The following MYO7A variants were observed in gnomAD, a reference collection of about 807,000 sequenced individuals.
MYO7A encodes the protein myosin VIIA.
Under a neutral mutation model 263.8 loss-of-function variants are expected in MYO7A, and 210 were observed. That is an observed-to-expected ratio of 0.80 (90% CI 0.71 to 0.89). The LOEUF (loss-of-function observed/expected upper bound fraction) is 0.89, where lower values mean the gene tolerates loss of function less well. Among genes scored for constraint, MYO7A ranks in the 40% least tolerant of loss-of-function variants. The pLI, the probability that MYO7A is intolerant of heterozygous loss-of-function variation, is 0.00. For missense variants in MYO7A, 2,820 were observed against 2,968.3 expected, an observed-to-expected ratio of 0.95 and a Z score of 1.16; for synonymous variants, 1,239 against 1,197.3, an observed-to-expected ratio of 1.03 and a Z score of -0.72.
chr11:77,179,490 G>C (rs1555082372), intron 20 of MYO7A, among the ~76,000 whole-genome samples: 1 of 152,250 alleles, frequency 6.6e-6, no homozygotes, highest in African/African-American at 2.4e-5. Flanking sequence ...GTTGGTTGCA[G>C]CTCCTGATCT....
intron 27 of MYO7A, among the ~76,000 whole-genome samples, chr11:77,187,107 C>T (rs967601778): frequency 1.3e-5 from 2 of 152,148 alleles, no homozygotes; most frequent in Non-Finnish European, 2.9e-5. Flanking sequence ...TTGCCATATT[C>T]TATGGGCACG....
intron 14 of MYO7A, 52 bp downstream of exon 14, chr11:77,163,040 C>T: frequency 1.3e-6 from 2 of 1,597,464 alleles, no homozygotes; most frequent in Non-Finnish European, 1.7e-6. Flanking sequence ...CCCTGCCTTC[C>T]CCTGCTCCAG....
chr11:77,162,783 A>G, intron 13 of MYO7A, 70 bp from the exon 14 acceptor site: 1 of 1,567,380 alleles, frequency 6.4e-7, no homozygotes, highest in Non-Finnish European at 8.7e-7. Context: ...GGGGGCAAAG[A>G]CATGGGCAGG....
chr11:77,208,473 G>A lies in MYO7A; in HGVS notation c.5900G>A (p.Arg1967Gln), dbSNP rs752881271. The A allele has an allele frequency of 1.4e-5, 23 of 1,613,616 alleles. No individual in the cohort carries two copies. The highest frequency in any genetic ancestry group is 1.6e-4 in the Middle Eastern group (1 of 6,084). The change falls in exon 43 of 49, where the codon CGA becomes CAA. Residue 1967 changes from arginine to glutamine, a missense_variant. Arg to Gln is a conservative substitution (Grantham distance 43). Coordinates refer to ENST00000409709, the MANE Select transcript of MYO7A (RefSeq NM_000260.4). ...PENDFFFDFV[R>Q]HLTDWIKKAR... ...AATGACTTCTTCTTTGACTTTGTTCGACACTTGACAGACTGGATAAAGAAA... is the reference window on the plus strand; with the variant it reads ...AATGACTTCTTCTTTGACTTTGTTCAACACTTGACAGACTGGATAAAGAAA...
Position 77,211,198 on chromosome 11 carries a change from A to T in MYO7A, c.6098A>T (p.Glu2033Val). ...GGCTACCACAAGTGCACGCGGGAGG[A>T]GGTGCTGCAGCTGGGGGCGCTGATC... ...LRGYHKCTRE[E>V]VLQLGALIYR... The change falls in exon 45 of 49, where the codon GAG (glutamate) becomes GTG (valine). Residue 2033 changes from glutamate (E) to valine (V), a missense_variant. By Grantham distance (121) the Glu-to-Val change is moderately radical (BLOSUM62 -2). Coordinates refer to ENST00000409709, the MANE Select transcript of MYO7A (RefSeq NM_000260.4). The T allele has an allele frequency of 6.3e-7, 1 of 1,593,064 alleles. No individual in the cohort carries two copies.
chr11:77,169,375 C>A (rs1258041257), intron 15 of MYO7A, among the ~76,000 whole-genome samples: 1 of 152,250 alleles, frequency 6.6e-6, no homozygotes, highest in African/African-American at 2.4e-5. Context: ...TGATTAATGC[C>A]TAAGCCCAGT....
At chr11:77,163,712 GT>G (rs539789531) in intron 14 of MYO7A, among the ~76,000 whole-genome samples, 239 of 146,934 alleles carry the variant, frequency 1.6e-3, no homozygotes, top group African/African-American at 6.1e-3. Flanking sequence ...TTCATTCAGC[GT>G]AATGTCTTTA....
chr11:77,201,987 C>G (rs1036245825), intron 36 of MYO7A, among the ~76,000 whole-genome samples: 1 of 152,184 alleles, frequency 6.6e-6, no homozygotes, highest in African/African-American at 2.4e-5. Flanking sequence ...CACAGCCCAG[C>G]TTCCCTAGTG....
chr11:77,156,963 A>G lies in MYO7A; in HGVS notation c.694A>G (p.Ile232Val). 6.2e-7 allele frequency: 1 copy of G among 1,613,940 alleles called. No individual in the cohort carries two copies. The highest frequency in any genetic ancestry group is 1.1e-5 in the South Asian group (1 of 91,084). Residue 232 changes from isoleucine to valine, a missense_variant, in exon 7 of 49, where the codon ATT becomes GTT. Physicochemically the swap from Ile to Val is conservative, Grantham distance 29. Coordinates refer to ENST00000409709, the MANE Select transcript of MYO7A (RefSeq NM_000260.4). ...GCGGGGCGCCATCGAGGGCGCGAAG[A>G]TTGAGCAGTACCTGCTGGAAAAGTC... is the stretch of plus-strand genomic sequence containing the variant. ...NKRGAIEGAK[I>V]EQYLLEKSRV... is the part of the protein sequence containing the mutation.
At chr11:77,200,792 T>C (rs1272059374) in intron 35 of MYO7A, among the ~76,000 whole-genome samples, 4 of 152,232 alleles carry the variant, frequency 2.6e-5, no homozygotes, top group African/African-American at 9.6e-5. Context: ...CCAAGTTAGA[T>C]CAGGGTCCTC....
intron 15 of MYO7A, among the ~76,000 whole-genome samples, chr11:77,171,986 C>CG (rs1225775050): frequency 5.8e-4 from 88 of 152,288 alleles, no homozygotes; most frequent in Non-Finnish European, 1.1e-3. Flanking sequence ...AGCCACAGTG[C>CG]GGGGGGTTAG....
At chr11:77,211,004 G>T (rs1957823812) in intron 44 of MYO7A, 148 bp from the exon 45 acceptor site, 2 of 700,560 alleles carry the variant, frequency 2.9e-6, no homozygotes, top group Admixed American at 5.7e-5. Context: ...TCCCCTGGGG[G>T]AGCAGTGTCA....
chr11:77,192,702 T>G (rs1043678096), intron 31 of MYO7A, among the ~76,000 whole-genome samples: 13 of 152,182 alleles, frequency 8.5e-5, no homozygotes, highest in Non-Finnish European at 1.6e-4. Context: ...GGTTGTTTTG[T>G]TTTCGATAAT....
At position 77,142,765 on chromosome 11, in the gene MYO7A, G is replaced by C. The variant is rs782517795; in HGVS notation, c.75G>C (p.Gly25=). ...GGCAGGAGTTCGACGTGCCCATCGG[G>C]GCGGTGGTGAAGCTCTGCGACTCTG... ...RLGQEFDVPI[G]AVVKLCDSGQ... Residue 25 remains glycine, a synonymous_variant, in exon 3 of 49, where the codon GGG becomes GGC. Transcript: ENST00000409709. The C allele has an allele frequency of 2.3e-5, 37 of 1,612,372 alleles. No homozygotes were observed. The South Asian group carries it at 4.0e-4, about 17-fold the overall frequency.
At chr11:77,183,006 T>G (rs1396705526) in intron 25 of MYO7A, 62 bp from the exon 26 acceptor site, 10 of 1,387,340 alleles carry the variant, frequency 7.2e-6, no homozygotes, top group Non-Finnish European at 1.0e-5. Flanking sequence ...AGTCTTGCTG[T>G]CGGGGGTCTC....
chr11:77,191,059 C>T lies in MYO7A; in HGVS notation c.3924+189C>T. On this transcript the variant is annotated intron_variant, in intron 30 of 48. Transcript: ENST00000409709. The stretch of plus-strand genomic sequence containing the variant: ...GAACTCGGCCAGGTGCGGTGGTTCA[C>T]ACCTGTAATCCCAGCACTTTGGGAG... The T allele has an allele frequency of 1.0e-5, 6 of 593,140 alleles. No homozygotes were observed. The South Asian group carries it at 1.5e-4, about 14-fold the overall frequency. 36.7% of individuals were successfully genotyped at this position (593,140 alleles called of 1,614,324 possible).
chr11:77,148,871 G>A (rs563845882), intron 4 of MYO7A, among the ~76,000 whole-genome samples: 27 of 152,268 alleles, frequency 1.8e-4, no homozygotes, highest in African/African-American at 6.3e-4. Context: ...TCTCTTTAAT[G>A]TCTGGCTTAA....
At chr11:77,148,993 C>T (rs1951777910) in intron 4 of MYO7A, among the ~76,000 whole-genome samples, 1 of 152,206 alleles carries the variant, frequency 6.6e-6, no homozygotes, top group Admixed American at 6.5e-5. Flanking sequence ...AAAGAGATGG[C>T]TTTGCAGACT....
rs1042885375 is a variant in MYO7A, at chr11:77,202,209, C to T, written c.5044-91C>T. On this transcript the variant is annotated intron_variant, in intron 36 of 48. Transcript: ENST00000409709. ...GGGGTCCATACCCCTGAAGAGTCTC[C>T]CAGAGTCCAGAAGGCTTCAGGGTAT... is the stretch of plus-strand genomic sequence containing the variant. 2.1e-6 allele frequency: 3 copies of T among 1,443,480 alleles called. No homozygotes were observed. In the African/African-American group the frequency reaches 4.3e-5, roughly 21 times the overall value. 89.4% of individuals were successfully genotyped at this position (1,443,480 alleles called of 1,614,324 possible). A position where few individuals can be genotyped will look rare whatever the true frequency, so the allele number is the denominator to read the frequency against.
Sources: allele counts gnomAD v4.1 joint callset (sites outside exome capture counted in the v4.1 genomes callset), GRCh38; gene constraint gnomAD v4.1.1; transcripts MANE v1.5; gene names NCBI Gene and HGNC (gene_info 2026-07-23, HGNC 2026-07-21).